Variants in DNM3 observed in about 807,000 individuals in gnomAD.
The protein encoded by DNM3 is dynamin 3, also known as dynamin-3.
A neutral mutation model predicts 101.6 loss-of-function variants in DNM3; 47 were observed. That is an observed-to-expected ratio of 0.46 (90% CI 0.37 to 0.59). DNM3 has a LOEUF of 0.59. DNM3 is among the 20% of genes least tolerant of loss of function. DNM3 has a pLI of 0.00. For missense variants in DNM3, 849 were observed against 1,085.7 expected (o/e 0.78, Z 3.06); for synonymous variants, 385 against 387.9 (o/e 0.99, Z 0.09).
chr1:171,916,779 A>AC (rs1490086144), intron 1 of DNM3, among the ~76,000 whole-genome samples: 1 of 152,172 alleles, frequency 6.6e-6, no homozygotes, highest in Non-Finnish European at 1.5e-5. Context: ...ATAGACAAAC[A>AC]CAAACTACCA....
chr1:171,925,939 C>T (rs149786684), intron 2 of DNM3, among the ~76,000 whole-genome samples: 3 of 152,238 alleles, frequency 2.0e-5, no homozygotes, highest in Non-Finnish European at 4.4e-5. Flanking sequence ...GGCAGTTTTC[C>T]CAACACCATT....
At chr1:172,280,966 T>C (rs1163796175) in intron 15 of DNM3, among the ~76,000 whole-genome samples, 1 of 152,188 alleles carries the variant, frequency 6.6e-6, no homozygotes, top group Non-Finnish European at 1.5e-5. Flanking sequence ...TGGGAAGTCA[T>C]GGTCAGAGAC....
chr1:172,309,516 T>C (rs974020596), intron 16 of DNM3: 1 of 152,224 alleles, frequency 6.6e-6, no homozygotes, highest in Non-Finnish European at 1.5e-5. Context: ...GCACCCACCG[T>C]TAAACAGACT....
intron 2 of DNM3, among the ~76,000 whole-genome samples, chr1:171,922,742 G>A (rs906368302): frequency 3.9e-5 from 6 of 152,114 alleles, no homozygotes; most frequent in Admixed American, 3.9e-4. Flanking sequence ...ACTAACCTAT[G>A]TTCTGTCTCT....
intron 14 of DNM3, among the ~76,000 whole-genome samples, chr1:172,199,263 G>A (rs901587585): frequency 1.3e-5 from 2 of 151,994 alleles, no homozygotes; most frequent in African/African-American, 4.8e-5. Flanking sequence ...TTGTAGTGTG[G>A]TTCAAGGTTG....
chr1:172,051,486 C>G (rs2050200881), intron 10 of DNM3, among the ~76,000 whole-genome samples: 1 of 152,188 alleles, frequency 6.6e-6, no homozygotes, highest in South Asian at 2.1e-4. Context: ...TCAGTCCACT[C>G]TAGCATCATA....
chr1:172,096,273 C>T (rs2054238363), intron 13 of DNM3, among the ~76,000 whole-genome samples: 1 of 152,100 alleles, frequency 6.6e-6, no homozygotes, highest in South Asian at 2.1e-4. Context: ...GGACGTAAGA[C>T]CCATTAAAGC....
At chr1:171,852,310 T>G (rs1386868688) in intron 1 of DNM3, among the ~76,000 whole-genome samples, 1 of 152,240 alleles carries the variant, frequency 6.6e-6, no homozygotes, top group Non-Finnish European at 1.5e-5. Flanking sequence ...AGAGAGAATT[T>G]AATAAACTTG....
intron 17 of DNM3, among the ~76,000 whole-genome samples, chr1:172,324,642 A>G (rs1312328956): frequency 6.6e-6 from 1 of 152,208 alleles, no homozygotes; most frequent in Non-Finnish European, 1.5e-5. Flanking sequence ...AATGGCTAAT[A>G]TTTATAACTA....
chr1:172,048,290 T>G (rs1022720394), intron 9 of DNM3, among the ~76,000 whole-genome samples: 1 of 152,180 alleles, frequency 6.6e-6, no homozygotes, highest in Non-Finnish European at 1.5e-5. Context: ...GTATAAAAAG[T>G]GAAGCTCACT....
intron 15 of DNM3, among the ~76,000 whole-genome samples, chr1:172,257,875 C>CAAA (rs2062472258): frequency 2.1e-5 from 3 of 141,586 alleles, no homozygotes; most frequent in African/African-American, 8.2e-5. Context: ...CCAACCCCCA[C>CAAA]CAACACACAC....
chr1:172,055,259 C>G (rs1388438921), intron 10 of DNM3, among the ~76,000 whole-genome samples: 1 of 152,072 alleles, frequency 6.6e-6, no homozygotes, highest in Non-Finnish European at 1.5e-5. Flanking sequence ...GTCTGTAGAG[C>G]CTTTGCACTT....
chr1:172,163,980 CACACACAT>C, intron 14 of DNM3, among the ~76,000 whole-genome samples: 1 of 138,228 alleles, frequency 7.2e-6, no homozygotes, highest in South Asian at 2.2e-4. Context: ...CACACACACA[CACACACAT>C]CTCACATTTT....
At position 172,406,416 on chromosome 1, in the gene DNM3, T is replaced by A. The variant is rs1380818787; in HGVS notation, c.2523-1356T>A. The stretch of plus-strand genomic sequence containing the variant: ...ATTCAGGACATAAGTTAAACATATA[T>A]GGCCATTTTAAATGAAAATAAGGCT... On this transcript the variant is annotated intron_variant, in intron 20 of 20. Coordinates refer to ENST00000627582, the MANE Select transcript of DNM3 (RefSeq NM_015569.5). 5.3e-5 allele frequency among the ~76,000 whole-genome samples: 8 copies of A among 152,102 alleles called. No homozygotes were observed. The East Asian group carries it at 7.7e-4, about 15-fold the overall frequency.
At chr1:171,961,392 T>C (rs1313760448) in intron 2 of DNM3, among the ~76,000 whole-genome samples, 1 of 152,198 alleles carries the variant, frequency 6.6e-6, no homozygotes, top group Non-Finnish European at 1.5e-5. Flanking sequence ...CATTGTCATC[T>C]GTGAACATTT....
intron 12 of DNM3, among the ~76,000 whole-genome samples, chr1:172,088,587 A>T (rs1355105024): frequency 6.6e-6 from 1 of 151,974 alleles, no homozygotes; most frequent in African/African-American, 2.4e-5. Context: ...ATGATTGGAT[A>T]ATTCTACCAT....
intron 1 of DNM3, among the ~76,000 whole-genome samples, chr1:171,866,076 C>G (rs1320994767): frequency 6.6e-6 from 1 of 152,102 alleles, no homozygotes; most frequent in African/African-American, 2.4e-5. Flanking sequence ...TGCCTTTGTT[C>G]TCGTTGGTGC....
At position 172,384,487 on chromosome 1, in the gene DNM3, A is replaced by C. The variant is rs191529051; in HGVS notation, c.2059-2646A>C. 7.2e-4 allele frequency among the ~76,000 whole-genome samples: 109 copies of C among 152,334 alleles called. 1 individual carries two copies. Among genetic ancestry groups the C allele is most frequent in the African/African-American group, 2.4e-3 (99 of 41,572 alleles). On this transcript the variant is annotated intron_variant, in intron 18 of 20. Coordinates refer to ENST00000627582, the MANE Select transcript of DNM3 (RefSeq NM_015569.5). ...CCTCATTTCACAGATGAGGAACCTG[A>C]GACTCAAACAGTTTACATTATTTGC...
Position 172,408,038 on chromosome 1 carries a change from A to T in DNM3, c.*197A>T. On this transcript the variant is annotated 3_prime_UTR_variant, in exon 21 of 21. Transcript: ENST00000627582. Reference sequence around the variant, plus strand: ...TTGGGGTTTGACTCAGAAACTGCTAACCTTTTAGAGGCTTTATATGTTGTA... The same window carrying T: ...TTGGGGTTTGACTCAGAAACTGCTATCCTTTTAGAGGCTTTATATGTTGTA... The T allele has an allele frequency of 7.0e-7, 1 of 1,430,500 alleles. No individual in the cohort carries two copies. The highest frequency in any genetic ancestry group is 9.2e-7 in the Non-Finnish European group (1 of 1,092,146). 88.6% of individuals were successfully genotyped at this position (1,430,500 alleles called of 1,614,324 possible).
Sources: gnomAD v4.1 joint callset for allele counts (sites outside exome capture counted in the v4.1 genomes callset) on GRCh38, gnomAD v4.1.1 for gene constraint, MANE v1.5 for transcripts, NCBI Gene and HGNC (gene_info 2026-07-23, HGNC 2026-07-21) for gene names.